ARHGEF9: variants seen among roughly 807,000 people sequenced by gnomAD.
ARHGEF9 encodes the protein Cdc42 guanine nucleotide exchange factor 9.
A neutral mutation model predicts 41.3 loss-of-function variants in ARHGEF9; 2 were observed. The ratio of observed to expected loss-of-function variants is 0.05; its 90% CI spans 0.02 to 0.15. The LOEUF (loss-of-function observed/expected upper bound fraction) is 0.15. Among genes scored for constraint, ARHGEF9 ranks in the 10% least tolerant of loss-of-function variants. ARHGEF9 has a pLI of 1.00. For missense variants in ARHGEF9, 225 were observed against 424.7 expected (o/e 0.53, Z 4.13); for synonymous variants, 160 against 154.4 (o/e 1.04, Z -0.27).
intron 1 of ARHGEF9, chrX:63,727,553 C>T (rs2054045126): frequency 8.9e-6 from 1 of 111,882 alleles, no homozygotes; most frequent in South Asian, 3.8e-4. Context: ...TGAGGTTTAA[C>T]AAAAGTAACT....
At chrX:63,699,559 C>A (rs2052008462) in intron 3 of ARHGEF9, among the ~76,000 whole-genome samples, 1 of 111,813 alleles carries the variant, frequency 8.9e-6, no homozygotes, top group South Asian at 3.7e-4. Context: ...TTCAGTCCAA[C>A]TTCCTAAGTC....
chrX:63,766,713 C>T (rs2056118622), intron 1 of ARHGEF9, among the ~76,000 whole-genome samples: 1 of 111,565 alleles, frequency 9.0e-6, no homozygotes, highest in African/African-American at 3.3e-5. Flanking sequence ...CTGAGTGTCC[C>T]TCTCCTCCAT....
At chrX:63,672,746 C>T (rs1199373442) in intron 6 of ARHGEF9, among the ~76,000 whole-genome samples, 8 of 111,465 alleles carry the variant, frequency 7.2e-5, no homozygotes, top group African/African-American at 9.8e-5. Context: ...ACCCTGCCAA[C>T]GAGAGAGAAT....
chrX:63,687,008 T>C (rs1556376319), intron 4 of ARHGEF9, among the ~76,000 whole-genome samples: 1 of 106,743 alleles, frequency 9.4e-6, no homozygotes, highest in African/African-American at 3.5e-5. Flanking sequence ...AAGAAGCCTC[T>C]TGAATGCCTG....
intron 4 of ARHGEF9, among the ~76,000 whole-genome samples, chrX:63,680,052 T>C (rs1348054321): frequency 1.8e-5 from 2 of 112,131 alleles, no homozygotes; most frequent in Non-Finnish European, 3.8e-5. Flanking sequence ...TAATAGACTA[T>C]AGGAAATTGA....
At chrX:63,746,104 G>T (rs1252735927) in intron 1 of ARHGEF9, among the ~76,000 whole-genome samples, 1 of 111,947 alleles carries the variant, frequency 8.9e-6, no homozygotes, top group African/African-American at 3.3e-5. Flanking sequence ...CAGAGCCAGG[G>T]CTTAATCCTA....
At chrX:63,660,552 G>A (rs2049152791) in intron 7 of ARHGEF9, among the ~76,000 whole-genome samples, 1 of 111,818 alleles carries the variant, frequency 8.9e-6, no homozygotes, top group Non-Finnish European at 1.9e-5. Flanking sequence ...ATAAAAATTG[G>A]AAGAAAAAAC....
chrX:63,638,741 G>A (rs2047446201), intron 9 of ARHGEF9: 1 of 298,518 alleles, frequency 3.3e-6, no homozygotes, highest in East Asian at 4.7e-5. Context: ...AAAAGCATAA[G>A]GTGCAAGTGA....
In ARHGEF9 at chrX:63,727,602, G is replaced by A. The variant is rs187280297; in HGVS notation, c.31-2891C>T. 179 of 111,773 alleles carry A rather than the reference G, an allele frequency of 1.6e-3. 1 individual carries two copies. The highest frequency in any genetic ancestry group is 5.6e-3 in the African/African-American group (172 of 30,720). The allele number at this position is 111,773 out of a possible 1,213,427, so 9.2% of individuals were successfully genotyped here. Reference sequence around the variant, plus strand: ...CAAATGGTCAGCCTTCTGGACTAGTGTTTTTTCTAACATAACACCACAGAG... The same window carrying A: ...CAAATGGTCAGCCTTCTGGACTAGTATTTTTTCTAACATAACACCACAGAG... On this transcript the variant is annotated intron_variant, in intron 1 of 9. Coordinates refer to ENST00000671741, the MANE Select transcript of ARHGEF9 (RefSeq NM_001353921.2).
chrX:63,749,828 C>T (rs1384912678), intron 1 of ARHGEF9, among the ~76,000 whole-genome samples: 1 of 112,352 alleles, frequency 8.9e-6, no homozygotes, highest in Non-Finnish European at 1.9e-5. Context: ...TGTTCTTCCC[C>T]TTCTAGTTTT....
intron 2 of ARHGEF9, among the ~76,000 whole-genome samples, chrX:63,717,232 A>G (rs1247756632): frequency 8.9e-6 from 1 of 112,579 alleles, no homozygotes; most frequent in East Asian, 2.8e-4. Context: ...CCTAAATGGA[A>G]GCTAACTGCT....
At chrX:63,751,667 G>A (rs1479292647) in intron 1 of ARHGEF9, among the ~76,000 whole-genome samples, 2 of 111,896 alleles carry the variant, frequency 1.8e-5, no homozygotes, top group African/African-American at 6.5e-5. Context: ...CTTAGCCTGA[G>A]GGGTTTTAGG....
At chrX:63,730,856 A>G (rs1186837480) in intron 1 of ARHGEF9, among the ~76,000 whole-genome samples, 2 of 111,764 alleles carry the variant, frequency 1.8e-5, no homozygotes, top group Non-Finnish European at 3.8e-5. Flanking sequence ...AGCATGCCCA[A>G]TGTCAGGCTG....
intron 1 of ARHGEF9, among the ~76,000 whole-genome samples, chrX:63,752,930 T>A: frequency 9.0e-6 from 1 of 111,529 alleles, no homozygotes; most frequent in Non-Finnish European, 1.9e-5. Flanking sequence ...GTATGTGTCC[T>A]GATTCACTGC....
At chrX:63,784,238 T>C (rs1257000641) in intron 1 of ARHGEF9, among the ~76,000 whole-genome samples, 1 of 111,488 alleles carries the variant, frequency 9.0e-6, no homozygotes, top group Non-Finnish European at 1.9e-5. Flanking sequence ...GGCCTCCCAC[T>C]CCCCAGAGGC....
At chrX:63,745,162 C>T (rs1439307284) in intron 1 of ARHGEF9, among the ~76,000 whole-genome samples, 1 of 110,471 alleles carries the variant, frequency 9.1e-6, no homozygotes, top group Non-Finnish European at 1.9e-5. Flanking sequence ...GCCAGCTGGG[C>T]ACGGAGGTAC....
intron 2 of ARHGEF9, among the ~76,000 whole-genome samples, chrX:63,715,743 T>A (rs2053247961): frequency 8.9e-6 from 1 of 112,122 alleles, no homozygotes; most frequent in African/African-American, 3.2e-5. Context: ...TTCCTATGAA[T>A]TTAATCCCTT....
At chrX:63,686,619 T>C (rs1556375869) in intron 4 of ARHGEF9, among the ~76,000 whole-genome samples, 1 of 111,695 alleles carries the variant, frequency 9.0e-6, no homozygotes, top group East Asian at 2.8e-4. Context: ...GGATATAATG[T>C]CTGCAAATAA....
At chrX:63,740,764 C>T (rs1292679318) in intron 1 of ARHGEF9, among the ~76,000 whole-genome samples, 6 of 111,994 alleles carry the variant, frequency 5.4e-5, no homozygotes, top group Admixed American at 9.4e-5. Context: ...ATCTAGGGCC[C>T]TGTCTTTCCA....
Sources: allele counts gnomAD v4.1 joint callset (sites outside exome capture counted in the v4.1 genomes callset), GRCh38; gene constraint gnomAD v4.1.1; transcripts MANE v1.5; gene names NCBI Gene and HGNC (gene_info 2026-07-23, HGNC 2026-07-21).